SLC5A6: variants seen among roughly 807,000 people sequenced by gnomAD.
SLC5A6 encodes sodium-dependent multivitamin transporter.
Under a neutral mutation model 67.9 loss-of-function variants are expected in SLC5A6, and 31 were observed. That is an observed-to-expected ratio of 0.46 (90% CI 0.34 to 0.62). The LOEUF (loss-of-function observed/expected upper bound fraction) is 0.62, where lower values mean the gene tolerates loss of function less well. Ranked by LOEUF, SLC5A6 falls within the 20% of genes least tolerant of loss-of-function variation. The pLI is 0.01. For missense variants in SLC5A6, 673 were observed against 812.8 expected (o/e 0.83, Z 2.09); for synonymous variants, 343 against 331.0 (o/e 1.04, Z -0.39).
intron 2 of SLC5A6, among the ~76,000 whole-genome samples, chr2:27,210,950 C>T (rs758891095): frequency 2.2e-3 from 327 of 151,872 alleles, no homozygotes; most frequent in Non-Finnish European, 3.2e-3. Context: ...CGTGAACCCG[C>T]GAGGCGGAGC....
In SLC5A6 at chr2:27,212,043, G is replaced by GT. The variant is rs986355082; in HGVS notation, c.-232dup. 2.2e-5 allele frequency: 21 copies of GT among 963,690 alleles called. No individual in the cohort carries two copies. The Admixed American group carries it at 2.9e-4, about 13-fold the overall frequency. 59.7% of individuals were successfully genotyped at this position (963,690 alleles called of 1,614,324 possible). The stretch of plus-strand genomic sequence containing the variant: ...ACTGAGGGCGGATGGAGGGGCCCGA[G>GT]TTTCTGCGAAGCCGCGACCTCGGCG... On this transcript the variant is annotated 5_prime_UTR_variant, in exon 1 of 17. It removes the in-frame stop codon of an upstream open reading frame in the 5' UTR. Coordinates refer to ENST00000310574, the MANE Select transcript of SLC5A6 (RefSeq NM_021095.4).
At position 27,205,487 on chromosome 2, in the gene SLC5A6, G is replaced by A; in HGVS notation, c.597C>T (p.Val199=). 1 of 1,614,190 alleles carries A rather than the reference G, an allele frequency of 6.2e-7. No homozygotes were observed. The part of the protein sequence containing the change: ...VYTALGGLKA[V]IWTDVFQTLV... ...GTGTCTGGAACACATCTGTCCAGAT[G>A]ACGGCCTTCAGCCCACCCTGCAAGG... Residue 199 remains valine (V), a synonymous_variant, in exon 7 of 17, where the codon GTC becomes GTT. Coordinates refer to ENST00000310574, the MANE Select transcript of SLC5A6 (RefSeq NM_021095.4).
intron 10 of SLC5A6, 87 bp from the exon 11 acceptor site, chr2:27,203,432 G>T: frequency 8.4e-7 from 1 of 1,193,022 alleles, no homozygotes; most frequent in South Asian, 1.4e-5. Flanking sequence ...GTCCTAAAGC[G>T]GGGAGATGAC....
chr2:27,206,598 T>C (rs1365017473), intron 4 of SLC5A6, 64 bp from the exon 5 acceptor site: 2 of 1,474,066 alleles, frequency 1.4e-6, no homozygotes, highest in Non-Finnish European at 1.9e-6. Flanking sequence ...GGAAGAAAGA[T>C]GGGCCTCAGC....
rs191510120 is a variant in SLC5A6 at position 27,200,245 on chromosome 2, G to T, written c.*191C>A. On this transcript the variant is annotated 3_prime_UTR_variant, in exon 17 of 17. Transcript: ENST00000310574. ...CAGATTGGCAAGCGACGAGAAAAAC[G>T]GTGCCTCACATGCTTGAGATGTGAC... 18 of 495,376 alleles carry T rather than the reference G, an allele frequency of 3.6e-5. No individual in the cohort carries two copies. Among genetic ancestry groups the T allele is most frequent in the African/African-American group, 3.1e-4 (16 of 51,492 alleles). The allele number at this position is 495,376 out of a possible 1,614,324, so 30.7% of individuals were successfully genotyped here. A position where few individuals can be genotyped will look rare whatever the true frequency, so the allele number is the denominator to read the frequency against.
chr2:27,203,499 T>G (rs1042815418), intron 10 of SLC5A6, among the ~76,000 whole-genome samples, 154 bp from the exon 11 acceptor site: 5 of 151,736 alleles, frequency 3.3e-5, no homozygotes, highest in Non-Finnish European at 7.4e-5. Flanking sequence ...AGAGCGGGCC[T>G]GGAAGGCAAG....
chr2:27,203,482 C>A, intron 10 of SLC5A6, 137 bp from the exon 11 acceptor site: 1 of 754,406 alleles, frequency 1.3e-6, no homozygotes, highest in Non-Finnish European at 2.2e-6. Context: ...GGACTTGATG[C>A]CACCTCAGAG....
In SLC5A6 at chr2:27,207,878, G is replaced by A. The variant is rs183937810; in HGVS notation, c.-140-88C>T. On this transcript the variant is annotated intron_variant, in intron 2 of 16. Coordinates refer to ENST00000310574, the MANE Select transcript of SLC5A6 (RefSeq NM_021095.4). The surrounding 1 kb of genome is among the most constrained non-coding windows in gnomAD (Gnocchi z 5.5). ...TTGTACATCGCATGCCATCAGAAGT[G>A]GACCAGCCAGCATAGTGGTAGCCCT... 1.5e-4 allele frequency: 83 copies of A among 571,562 alleles called. 1 individual carries two copies. In the East Asian group the frequency reaches 2.2e-3, roughly 15 times the overall value. The allele number at this position is 571,562 out of a possible 1,614,324, so 35.4% of individuals were successfully genotyped here.
chr2:27,203,852 C>T lies in SLC5A6; in HGVS notation c.1021G>A (p.Val341Met). ...AAPDQFVLYF[V>M]MDLLKGLPGL... ...GGCAGGCCCTTCAGGAGATCCATCA[C>T]AAAGTACAGGACGAACTGCAAGCAG... is the stretch of plus-strand genomic sequence containing the variant. The change falls in exon 10 of 17, where the codon GTG becomes ATG. Residue 341 changes from valine to methionine, a missense_variant. Transcript: ENST00000310574. 1 of 1,614,008 alleles carries T rather than the reference C, an allele frequency of 6.2e-7. No individual in the cohort carries two copies. The highest frequency in any genetic ancestry group is 1.1e-5 in the South Asian group (1 of 91,058).
At position 27,204,944 on chromosome 2, in the gene SLC5A6, C is replaced by A. The variant is rs778768265; in HGVS notation, c.735-13G>T. The A allele has an allele frequency of 1.2e-6, 2 of 1,611,474 alleles. No individual in the cohort carries two copies. Among genetic ancestry groups the A allele is most frequent in the Non-Finnish European group, 1.7e-6 (2 of 1,179,954 alleles). On this transcript the variant is annotated splice_polypyrimidine_tract_variant and intron_variant, in intron 7 of 16. Coordinates refer to ENST00000310574, the MANE Select transcript of SLC5A6 (RefSeq NM_021095.4). ...GTCTGGATCCAGCCTGTAACAGACA[C>A]CACCCAGTCATTGTGCAAAGCCTGA...
In SLC5A6 at chr2:27,203,789, C is replaced by T. The variant is rs781584176; in HGVS notation, c.1084G>A (p.Gly362Ser). 8 of 1,613,430 alleles carry T rather than the reference C, an allele frequency of 5.0e-6. No individual in the cohort carries two copies. The highest frequency in any genetic ancestry group is 2.2e-5 in the East Asian group (1 of 44,876). ...PGLFIACLFSGSLSTISSAFN... is the reference protein window; with the variant it reads ...PGLFIACLFSSSLSTISSAFN... Reference sequence around the variant, plus strand: ...CGTTAAAGTGGGTACCTGAGAGAGCCGCTGAAGAGGCAGGCAATGAAGAGC... The same window carrying T: ...CGTTAAAGTGGGTACCTGAGAGAGCTGCTGAAGAGGCAGGCAATGAAGAGC... The change falls in exon 10 of 17, where the codon GGC becomes AGC. Residue 362 changes from glycine (G) to serine (S), a missense_variant. Coordinates refer to ENST00000310574, the MANE Select transcript of SLC5A6 (RefSeq NM_021095.4).
At position 27,207,367 on chromosome 2, in the gene SLC5A6, A is replaced by T; in HGVS notation, c.284T>A (p.Phe95Tyr). ...ILGVPSEIYR[F>Y]GTQYWFLGCC... ...GCCCAGGAACCAATATTGGGTCCCAAATCGGTAGATCTCTGACGGCACACC... is the reference window on the plus strand; with the variant it reads ...GCCCAGGAACCAATATTGGGTCCCATATCGGTAGATCTCTGACGGCACACC... The change falls in exon 3 of 17, where the codon TTT (phenylalanine) becomes TAT (tyrosine). Residue 95 changes from phenylalanine to tyrosine, a missense_variant. Transcript: ENST00000310574. This position sits in a 1 kb window ranked among gnomAD's most constrained non-coding sequence, Gnocchi z 5.5. 2 of 1,614,188 alleles carry T rather than the reference A, an allele frequency of 1.2e-6. No homozygotes were observed. The highest frequency in any genetic ancestry group is 1.7e-6 in the Non-Finnish European group (2 of 1,180,028).
At chr2:27,210,597 A>ATT (rs764572434) in intron 2 of SLC5A6, among the ~76,000 whole-genome samples, 10 of 138,812 alleles carry the variant, frequency 7.2e-5, no homozygotes, top group Admixed American at 1.4e-4. Flanking sequence ...CGCCCAGCTA[A>ATT]TTTTTTTTTT....
In SLC5A6 at chr2:27,207,100, C is replaced by T. The variant is rs916051073; in HGVS notation, c.393+158G>A. 1.3e-5 allele frequency among the ~76,000 whole-genome samples: 2 copies of T among 152,178 alleles called. No homozygotes were observed. Among genetic ancestry groups the T allele is most frequent in the Admixed American group, 6.5e-5 (1 of 15,272 alleles). ...CCTCCTCTCCAATCCTGCCCCTATA[C>T]CTAACATCACTGAGAAAGAATTATA... On this transcript the variant is annotated intron_variant, in intron 3 of 16. Coordinates refer to ENST00000310574, the MANE Select transcript of SLC5A6 (RefSeq NM_021095.4). The surrounding 1 kb of genome is among the most constrained non-coding windows in gnomAD (Gnocchi z 5.5).
In SLC5A6 at chr2:27,207,686, G is replaced by T; in HGVS notation, c.-36C>A. On this transcript the variant is annotated 5_prime_UTR_variant, in exon 3 of 17. Coordinates refer to ENST00000310574, the MANE Select transcript of SLC5A6 (RefSeq NM_021095.4). The surrounding 1 kb of genome is among the most constrained non-coding windows in gnomAD (Gnocchi z 5.5). Reference sequence around the variant, plus strand: ...TGTCTGTGATCTGCAGCCAGTTGCTGCTCCAGGGCTCTGGGGTAGGGCAGG... The same window carrying T: ...TGTCTGTGATCTGCAGCCAGTTGCTTCTCCAGGGCTCTGGGGTAGGGCAGG... 1 of 1,582,436 alleles carries T rather than the reference G, an allele frequency of 6.3e-7. No individual in the cohort carries two copies. The highest frequency in any genetic ancestry group is 8.6e-7 in the Non-Finnish European group (1 of 1,160,784).
At chr2:27,212,304 A>G, upstream of SLC5A6, 1 of 1,550,372 alleles carries the variant, frequency 6.5e-7, no homozygotes, top group Admixed American at 2.0e-5. Flanking sequence ...AGAGGGCCTG[A>G]CGCGCTGCGG....
intron 14 of SLC5A6, 31 bp downstream of exon 14, chr2:27,201,635 G>C: frequency 6.2e-7 from 1 of 1,605,312 alleles, no homozygotes; most frequent in East Asian, 2.2e-5. Flanking sequence ...AGGGCTTTGA[G>C]AAAACAAGAA....
At chr2:27,201,274 C>T (rs573717725) in intron 15 of SLC5A6, 76 bp downstream of exon 15, 1 of 1,077,100 alleles carries the variant, frequency 9.3e-7, no homozygotes, top group Non-Finnish European at 1.4e-6. Context: ...AGGGCAGGAG[C>T]CTTTCTCCCT....
At chr2:27,201,629 C>T in intron 14 of SLC5A6, 37 bp downstream of exon 14, 1 of 1,601,856 alleles carries the variant, frequency 6.2e-7, no homozygotes, top group Non-Finnish European at 8.5e-7. Context: ...CAAAGGAGGG[C>T]TTTGAGAAAA....
Sources: allele counts gnomAD v4.1 joint callset (sites outside exome capture counted in the v4.1 genomes callset), GRCh38; gene constraint gnomAD v4.1.1; non-coding constraint Gnocchi (gnomAD v3.1); transcripts MANE v1.5; gene names NCBI Gene and HGNC (gene_info 2026-07-23, HGNC 2026-07-21).